Variants in NUBPL observed in about 807,000 individuals in gnomAD.
The protein encoded by NUBPL is NUBP iron-sulfur cluster assembly factor, mitochondrial, also known as iron-sulfur cluster transfer protein NUBPL.
NUBPL carries 31 observed loss-of-function variants against 45.7 expected under a neutral mutation model. That is an observed-to-expected ratio of 0.68 (90% CI 0.51 to 0.92). The LOEUF is 0.92. Among genes scored for constraint, NUBPL ranks in the 40% least tolerant of loss-of-function variants. The pLI, the probability that NUBPL is intolerant of heterozygous loss-of-function variation, is 0.00. For synonymous variants in NUBPL, 144 were observed against 140.9 expected (o/e 1.02, Z -0.15); for missense variants, 401 against 398.7 (o/e 1.01, Z -0.05).
chr14:31,754,162 T>C (rs1307999478), intron 6 of NUBPL, among the ~76,000 whole-genome samples: 1 of 152,202 alleles, frequency 6.6e-6, no homozygotes, highest in Admixed American at 6.5e-5. Flanking sequence ...GTTGGTGAGA[T>C]AAATTTTTCA....
chr14:31,842,775 A>G (rs1053347521), intron 8 of NUBPL, among the ~76,000 whole-genome samples: 1 of 152,178 alleles, frequency 6.6e-6, no homozygotes, highest in African/African-American at 2.4e-5. Flanking sequence ...TTATTAGTAA[A>G]TGATGTTTGA....
chr14:31,731,358 A>G (rs190842613), intron 6 of NUBPL, among the ~76,000 whole-genome samples: 3 of 152,314 alleles, frequency 2.0e-5, no homozygotes, highest in Admixed American at 1.3e-4. Context: ...TTGAATTCCA[A>G]ATTCCATCAT....
At chr14:31,688,144 T>C (rs2036997840) in intron 6 of NUBPL, among the ~76,000 whole-genome samples, 1 of 152,106 alleles carries the variant, frequency 6.6e-6, no homozygotes, top group Admixed American at 6.5e-5. Flanking sequence ...AGCTGAAGAA[T>C]CTAAAGGTGG....
At chr14:31,603,931 G>A (rs1029407356) in intron 4 of NUBPL, among the ~76,000 whole-genome samples, 2 of 152,068 alleles carry the variant, frequency 1.3e-5, no homozygotes, top group African/African-American at 2.4e-5. Flanking sequence ...CATTATGTTT[G>A]TCTCTTGATT....
chr14:31,736,027 A>G (rs1157521992), intron 6 of NUBPL, among the ~76,000 whole-genome samples: 4 of 152,162 alleles, frequency 2.6e-5, no homozygotes, highest in African/African-American at 7.2e-5. Context: ...CAGAGGGAGT[A>G]TATATTACTC....
At chr14:31,673,899 T>A (rs570993931) in intron 6 of NUBPL, among the ~76,000 whole-genome samples, 1 of 152,198 alleles carries the variant, frequency 6.6e-6, no homozygotes, top group Non-Finnish European at 1.5e-5. Context: ...ATTAATCTCA[T>A]TGTGGTCAAT....
intron 6 of NUBPL, among the ~76,000 whole-genome samples, chr14:31,766,508 C>CT (rs2038915215): frequency 6.6e-6 from 1 of 152,196 alleles, no homozygotes; most frequent in African/African-American, 2.4e-5. Flanking sequence ...AGAAATTTCT[C>CT]TGAGTGTTTA....
chr14:31,808,460 A>G (rs1338041500), intron 7 of NUBPL, among the ~76,000 whole-genome samples: 2 of 152,308 alleles, frequency 1.3e-5, no homozygotes, highest in East Asian at 3.9e-4. Flanking sequence ...ATTTTTGCAC[A>G]TTGATTTTGT....
At chr14:31,590,694 G>A (rs2034119202) in intron 3 of NUBPL, among the ~76,000 whole-genome samples, 1 of 152,070 alleles carries the variant, frequency 6.6e-6, no homozygotes, top group African/African-American at 2.4e-5. Flanking sequence ...AGGTTTCTAG[G>A]TCCCCAGGCT....
chr14:31,841,458 C>A (rs1003222554), intron 8 of NUBPL, among the ~76,000 whole-genome samples: 2 of 151,948 alleles, frequency 1.3e-5, no homozygotes, highest in South Asian at 4.1e-4. Context: ...AATCTCTTGC[C>A]CATTTCTTTA....
chr14:31,780,285 G>A (rs1221631583), intron 6 of NUBPL, among the ~76,000 whole-genome samples: 1 of 151,892 alleles, frequency 6.6e-6, no homozygotes, highest in Non-Finnish European at 1.5e-5. Flanking sequence ...GGCCAGGCTA[G>A]TCTGTGAACT....
intron 10 of NUBPL, among the ~76,000 whole-genome samples, chr14:31,857,618 A>C (rs924771610): frequency 6.6e-6 from 1 of 152,182 alleles, no homozygotes; most frequent in South Asian, 2.1e-4. Context: ...TTCTTCTGCC[A>C]GGTACCCTAA....
Position 31,826,655 on chromosome 14 carries a change from G to C in NUBPL, c.634G>C (p.Asp212His). Residue 212 changes from aspartate to histidine, a missense_variant, in exon 8 of 11, where the codon GAC becomes CAC. By Grantham distance (81) the Asp-to-His change is moderately conservative (BLOSUM62 -1). Transcript: ENST00000281081. ...TGAVIVSTPQDIALMDAHKGA... is the reference protein window; with the variant it reads ...TGAVIVSTPQHIALMDAHKGA... The stretch of plus-strand genomic sequence containing the variant: ...TGCTGTGATTGTCTCCACGCCCCAG[G>C]ACATCGCATTGATGGATGCACACAA... 1 of 1,614,126 alleles carries C rather than the reference G, an allele frequency of 6.2e-7. No homozygotes were observed. The highest frequency in any genetic ancestry group is 8.5e-7 in the Non-Finnish European group (1 of 1,179,990).
intron 7 of NUBPL, among the ~76,000 whole-genome samples, chr14:31,810,617 A>G (rs1320046519): frequency 1.3e-5 from 2 of 152,124 alleles, no homozygotes; most frequent in Admixed American, 1.3e-4. Context: ...GCCCATTTAC[A>G]TTTAAGGTTA....
In NUBPL at chr14:31,705,780, T is replaced by C. The variant is rs562678915; in HGVS notation, c.513+32206T>C. Among the ~76,000 whole-genome samples the C allele has an allele frequency of 1.2e-4, 18 of 152,218 alleles. No individual in the cohort carries two copies. In the East Asian group the frequency reaches 2.1e-3, roughly 18 times the overall value. ...CCAGAAGCCCAGACGGCTTCACCTCTCAATGGCAGTCGCCGTGGGACTTTG... is the reference window on the plus strand; with the variant it reads ...CCAGAAGCCCAGACGGCTTCACCTCCCAATGGCAGTCGCCGTGGGACTTTG... On this transcript the variant is annotated intron_variant, in intron 6 of 10. Coordinates refer to ENST00000281081, the MANE Select transcript of NUBPL (RefSeq NM_025152.3).
chr14:31,641,213 G>A (rs111987345), intron 4 of NUBPL, among the ~76,000 whole-genome samples: 2 of 152,172 alleles, frequency 1.3e-5, no homozygotes, highest in African/African-American at 4.8e-5. Context: ...CCCTCCCTAA[G>A]TGTTGGAATT....
At chr14:31,838,113 A>G (rs2040311023) in intron 8 of NUBPL, among the ~76,000 whole-genome samples, 1 of 152,154 alleles carries the variant, frequency 6.6e-6, no homozygotes, top group Admixed American at 6.5e-5. Context: ...CTACACATTC[A>G]TCATATTTGC....
At chr14:31,744,754 T>G (rs1038324272) in intron 6 of NUBPL, among the ~76,000 whole-genome samples, 1 of 151,638 alleles carries the variant, frequency 6.6e-6, no homozygotes, top group African/African-American at 2.4e-5. Context: ...CCCAAGTTGC[T>G]GGGACTACAG....
intron 10 of NUBPL, among the ~76,000 whole-genome samples, chr14:31,855,822 C>G (rs2040608289): frequency 6.6e-6 from 1 of 152,066 alleles, no homozygotes. Flanking sequence ...AATTGGTCAG[C>G]TTAGGTTCAA....
Sources: gnomAD v4.1 joint callset for allele counts (sites outside exome capture counted in the v4.1 genomes callset) on GRCh38, gnomAD v4.1.1 for gene constraint, MANE v1.5 for transcripts, NCBI Gene and HGNC (gene_info 2026-07-23, HGNC 2026-07-21) for gene names.